The following YBX1 variants were observed in gnomAD, a reference collection of about 807,000 sequenced individuals.
YBX1 encodes Y-box binding protein 1.
Under a neutral mutation model 41.4 loss-of-function variants are expected in YBX1, and 3 were observed. The observed-to-expected ratio is 0.07, with a 90% confidence interval of 0.03 to 0.19. The LOEUF is 0.19. YBX1 is among the 10% of genes least tolerant of loss of function. The pLI, the probability that YBX1 is intolerant of heterozygous loss-of-function variation, is 1.00. For missense variants in YBX1, 274 were observed against 462.8 expected, an observed-to-expected ratio of 0.59 and a Z score of 3.74; for synonymous variants, 133 against 165.8, an observed-to-expected ratio of 0.80 and a Z score of 1.52.
chr1:42,683,165 G>C (rs532905682), intron 1 of YBX1: 11 of 655,644 alleles, frequency 1.7e-5, no homozygotes, highest in Admixed American at 1.1e-4. Context: ...CGCGGCCTGC[G>C]CACACACCCA....
intron 2 of YBX1, among the ~76,000 whole-genome samples, chr1:42,691,508 AACT>A (rs1395620742): frequency 1.3e-5 from 2 of 152,138 alleles, no homozygotes; most frequent in East Asian, 3.9e-4. Context: ...CTCGCCACGT[AACT>A]ACTTTTAATT....
chr1:42,693,394 C>A, intron 2 of YBX1, 96 bp from the exon 3 acceptor site: 1 of 1,436,438 alleles, frequency 7.0e-7, no homozygotes, highest in African/African-American at 1.4e-5. Flanking sequence ...TTCCTGGTAC[C>A]TAATTGGCAG....
chr1:42,694,028 T>C (rs947686775), intron 3 of YBX1, among the ~76,000 whole-genome samples: 1 of 151,796 alleles, frequency 6.6e-6, no homozygotes, highest in Non-Finnish European at 1.5e-5. Flanking sequence ...GAATGGGTAT[T>C]GGGTTTTTTT....
chr1:42,696,039 TGTG>T lies in YBX1; in HGVS notation c.265-157_265-155del, dbSNP rs997041131. Among the ~76,000 whole-genome samples the T allele has an allele frequency of 3.3e-5, 5 of 152,202 alleles. No individual in the cohort carries two copies. The highest frequency in any genetic ancestry group is 1.3e-4 in the Admixed American group (2 of 15,274). On this transcript the variant is annotated intron_variant, in intron 3 of 7. Transcript: ENST00000321358. This position sits in a 1 kb window ranked among gnomAD's most constrained non-coding sequence, Gnocchi z 5.7. ...GTGTTTTTGTTGAAGTTGGGGATAG[TGTG>T]GTCCCCGCTTTCCTAAATTTATTGA...
intron 2 of YBX1, among the ~76,000 whole-genome samples, chr1:42,684,877 A>G (rs925405400): frequency 2.0e-5 from 3 of 152,146 alleles, no homozygotes; most frequent in African/African-American, 7.2e-5. Flanking sequence ...TAACCCTTAA[A>G]CCAGTGGTTT....
chr1:42,683,349 T>A, intron 1 of YBX1, 54 bp from the exon 2 acceptor site: 1 of 1,611,438 alleles, frequency 6.2e-7, no homozygotes, highest in Non-Finnish European at 8.5e-7. Flanking sequence ...CCGGGCGGAT[T>A]TGGAAAAGGA....
In YBX1 at chr1:42,703,621, A is replaced by C. The variant is rs1365725045; in HGVS notation, c.*1672A>C. Among the ~76,000 whole-genome samples the C allele has an allele frequency of 6.6e-6, 1 of 152,126 alleles. No homozygotes were observed. Among genetic ancestry groups the C allele is most frequent in the Non-Finnish European group, 1.5e-5 (1 of 68,010 alleles). On this transcript the variant is annotated 3_prime_UTR_variant, in exon 8 of 8. Coordinates refer to ENST00000321358, the MANE Select transcript of YBX1 (RefSeq NM_004559.5). The stretch of plus-strand genomic sequence containing the variant: ...AACTGTTGGTAGCATCTAAACTGTT[A>C]CTTACAACTGCAGACGCACACAGTC...
chr1:42,697,303 A>G (rs752657288), intron 6 of YBX1, 41 bp downstream of exon 6: 2 of 1,598,238 alleles, frequency 1.3e-6, no homozygotes, highest in Non-Finnish European at 1.7e-6. Context: ...AATTTCCTCA[A>G]ACCCGTGTTA....
chr1:42,693,553 T>A, intron 3 of YBX1, 30 bp downstream of exon 3: 1 of 1,610,640 alleles, frequency 6.2e-7, no homozygotes, highest in Non-Finnish European at 8.5e-7. Flanking sequence ...TTTGCACTTC[T>A]GATTCAAGGA....
At chr1:42,688,141 A>G (rs1050989760) in intron 2 of YBX1, among the ~76,000 whole-genome samples, 2 of 152,196 alleles carry the variant, frequency 1.3e-5, no homozygotes, top group African/African-American at 4.8e-5. Flanking sequence ...CCAAAGTACA[A>G]TCCTTTACTC....
At chr1:42,683,950 C>T (rs1650127662) in intron 2 of YBX1, among the ~76,000 whole-genome samples, 2 of 152,054 alleles carry the variant, frequency 1.3e-5, no homozygotes, top group African/African-American at 4.8e-5. Flanking sequence ...CTTTGTTTCA[C>T]GTTTCATTTT....
At chr1:42,701,117 G>T in intron 7 of YBX1, 71 bp downstream of exon 7, 1 of 1,165,418 alleles carries the variant, frequency 8.6e-7, no homozygotes, top group Non-Finnish European at 1.2e-6. Context: ...ATTAATGCAA[G>T]AGTAGAAAAA....
Position 42,700,609 on chromosome 1 carries a change from T to TCC in YBX1, c.741-161_741-160dup, listed in dbSNP as rs5773785. ...GCAAGACTCTTCCCCCTACTCAGCA[T>TCC]CCCCCCCCCCCCAAAAAAAAAAACC... On this transcript the variant is annotated intron_variant, in intron 6 of 7. Transcript: ENST00000321358. Among the ~76,000 whole-genome samples the TCC allele has an allele frequency of 2.9e-3, 142 of 48,198 alleles. 2 individuals carry two copies. The highest frequency in any genetic ancestry group is 3.8e-3 in the Non-Finnish European group (98 of 25,752). 31.6% of individuals were successfully genotyped at this position (48,198 alleles called of 152,430 possible).
intron 2 of YBX1, among the ~76,000 whole-genome samples, chr1:42,684,738 G>T (rs1650150273): frequency 1.3e-5 from 2 of 152,098 alleles, no homozygotes. Flanking sequence ...TTTTGATAAT[G>T]GCTTACTAGC....
intron 3 of YBX1, among the ~76,000 whole-genome samples, chr1:42,695,990 A>T (rs1258320439): frequency 1.3e-5 from 2 of 152,192 alleles, no homozygotes; most frequent in Non-Finnish European, 2.9e-5. Context: ...TAGTGGTACA[A>T]TGCTGGGGCC....
chr1:42,690,037 C>G (rs979361432), intron 2 of YBX1, among the ~76,000 whole-genome samples: 2 of 152,042 alleles, frequency 1.3e-5, no homozygotes, highest in African/African-American at 4.8e-5. Context: ...CTAGGTTACA[C>G]AGCTGTTAAT....
chr1:42,682,461 C>G lies in YBX1; in HGVS notation c.-105C>G. ...GGTAGCGGGAGCGGAGAGCGGACCC[C>G]AGAGAGCCCTGAGCAGCCCCACCGC... is the stretch of plus-strand genomic sequence containing the variant. On this transcript the variant is annotated 5_prime_UTR_variant, in exon 1 of 8. Coordinates refer to ENST00000321358, the MANE Select transcript of YBX1 (RefSeq NM_004559.5). 8.0e-7 allele frequency: 1 copy of G among 1,254,872 alleles called. No homozygotes were observed. The highest frequency in any genetic ancestry group is 1.0e-6 in the Non-Finnish European group (1 of 982,530). The allele number at this position is 1,254,872 out of a possible 1,614,324, so 77.7% of individuals were successfully genotyped here.
chr1:42,688,993 G>A (rs187163233), intron 2 of YBX1, among the ~76,000 whole-genome samples: 3 of 152,272 alleles, frequency 2.0e-5, no homozygotes, highest in Admixed American at 2.0e-4. Context: ...ATTAAATTTT[G>A]GAAGAGTCAA....
Position 42,702,738 on chromosome 1 carries a change from A to T in YBX1, c.*789A>T, listed in dbSNP as rs1048195909. On this transcript the variant is annotated 3_prime_UTR_variant, in exon 8 of 8. Coordinates refer to ENST00000321358, the MANE Select transcript of YBX1 (RefSeq NM_004559.5). ...ATTTGTTTCAGTGTGTCAATTGAAGATGCCAATTGAAGTGTTAGGACAACC... is the reference window on the plus strand; with the variant it reads ...ATTTGTTTCAGTGTGTCAATTGAAGTTGCCAATTGAAGTGTTAGGACAACC... Among the ~76,000 whole-genome samples, 1 of 152,180 alleles carries T rather than the reference A, an allele frequency of 6.6e-6. No homozygotes were observed. The highest frequency in any genetic ancestry group is 2.4e-5 in the African/African-American group (1 of 41,454).
Sources: allele counts gnomAD v4.1 joint callset (sites outside exome capture counted in the v4.1 genomes callset), GRCh38; gene constraint gnomAD v4.1.1; non-coding constraint Gnocchi (gnomAD v3.1); transcripts MANE v1.5; gene names NCBI Gene and HGNC (gene_info 2026-07-23, HGNC 2026-07-21).